ASH1L: variants seen among roughly 807,000 people sequenced by gnomAD.
ASH1L encodes the protein ASH1 like histone lysine methyltransferase, also known as histone-lysine N-methyltransferase ASH1L.
In ASH1L, 23 loss-of-function variants were observed where a neutral mutation model predicts 269.0. That is an observed-to-expected ratio of 0.09 (90% CI 0.06 to 0.12). The LOEUF is 0.12. Ranked by LOEUF, ASH1L falls within the 10% of genes least tolerant of loss-of-function variation. ASH1L has a pLI of 1.00. For missense variants in ASH1L, 2,912 were observed against 3,567.8 expected (o/e 0.82, Z 4.68); for synonymous variants, 1,187 against 1,253.5 (o/e 0.95, Z 1.12).
At chr1:155,558,235 G>A (rs111827441) in intron 1 of ASH1L, among the ~76,000 whole-genome samples, 1 of 152,150 alleles carries the variant, frequency 6.6e-6, no homozygotes, top group Admixed American at 6.6e-5. Flanking sequence ...TTGGGAGGCC[G>A]AGGCGGGTGG....
chr1:155,515,519 T>C (rs372486418), intron 2 of ASH1L, among the ~76,000 whole-genome samples: 5 of 152,200 alleles, frequency 3.3e-5, no homozygotes, highest in Non-Finnish European at 2.9e-5. Flanking sequence ...TGAGCCTAGT[T>C]ATGATGATTT....
intron 1 of ASH1L, among the ~76,000 whole-genome samples, chr1:155,559,807 G>A (rs1181706335): frequency 6.6e-6 from 1 of 152,070 alleles, no homozygotes; most frequent in Non-Finnish European, 1.5e-5. Context: ...CTCCTGCATA[G>A]GATTAACTCA....
At chr1:155,515,930 C>A (rs2148828072) in intron 2 of ASH1L, among the ~76,000 whole-genome samples, 1 of 151,808 alleles carries the variant, frequency 6.6e-6, no homozygotes, top group Non-Finnish European at 1.5e-5. Flanking sequence ...CGGAGATTAG[C>A]CTACATACTA....
chr1:155,433,120 AG>A, intron 5 of ASH1L: 1 of 1,392,040 alleles, frequency 7.2e-7, no homozygotes, highest in Non-Finnish European at 9.6e-7. Flanking sequence ...ACTGATAGAA[AG>A]GAATATAAAA....
intron 4 of ASH1L, among the ~76,000 whole-genome samples, chr1:155,442,616 A>C (rs1018001430): frequency 1.3e-5 from 2 of 151,700 alleles, no homozygotes; most frequent in African/African-American, 2.4e-5. Context: ...AAAAAAAAAA[A>C]ACCTCACAAA....
At chr1:155,554,549 G>A (rs1244988000) in intron 1 of ASH1L, among the ~76,000 whole-genome samples, 1 of 152,152 alleles carries the variant, frequency 6.6e-6, no homozygotes, top group Non-Finnish European at 1.5e-5. Context: ...TGGGATTACA[G>A]GCGTGAGCCA....
intron 3 of ASH1L, among the ~76,000 whole-genome samples, chr1:155,468,472 T>A (rs1664857992): frequency 1.3e-5 from 2 of 152,166 alleles, no homozygotes; most frequent in African/African-American, 4.8e-5. Context: ...ATATATTATT[T>A]GGAATTTTTC....
At chr1:155,547,289 A>G (rs1670897610) in intron 1 of ASH1L, among the ~76,000 whole-genome samples, 2 of 152,168 alleles carry the variant, frequency 1.3e-5, no homozygotes, top group Admixed American at 1.3e-4. Flanking sequence ...AAAAAAAAAA[A>G]AAGTTAAAAT....
rs951897832 is a variant in ASH1L, at chr1:155,549,532, C to T, written c.-100+12621G>A. ...CCCTGCTACTTGGGAGGCTGAGGCACGAGAATCACTTGAACCCAGGAAGCG... is the reference window on the plus strand; with the variant it reads ...CCCTGCTACTTGGGAGGCTGAGGCATGAGAATCACTTGAACCCAGGAAGCG... On this transcript the variant is annotated intron_variant, in intron 1 of 27. Coordinates refer to ENST00000392403, the MANE Select transcript of ASH1L (RefSeq NM_018489.3). 6.0e-5 allele frequency among the ~76,000 whole-genome samples: 9 copies of T among 148,842 alleles called. 1 individual carries two copies. In the South Asian group the frequency reaches 1.7e-3, roughly 28 times the overall value.
At chr1:155,531,379 AAC>A (rs1669665257) in intron 1 of ASH1L, among the ~76,000 whole-genome samples, 1 of 151,734 alleles carries the variant, frequency 6.6e-6, no homozygotes, top group African/African-American at 2.4e-5. Flanking sequence ...TTTTTTTTGA[AAC>A]AGAGTCTCCC....
chr1:155,481,192 G>A lies in ASH1L; in HGVS notation c.1678C>T (p.Pro560Ser), dbSNP rs1665934934. Residue 560 changes from proline (P) to serine (S), a missense_variant, in exon 3 of 28, where the codon CCT (proline) becomes TCT (serine). Pro to Ser is a moderately conservative substitution (Grantham distance 74, BLOSUM62 -1). Around this residue, in one of 13 missense-constraint regions of ASH1L, gnomAD observed 715 missense variants for 721.0 expected, o/e 0.99. Transcript: ENST00000392403. ...GTTAAAGGATTAACAGATACAGTAG[G>A]TGATGGGGAAGGGAGATTGCTTTCT... The part of the protein sequence containing the change: ...VGESNLPSPS[P>S]TVSVNPLTRS... The A allele has an allele frequency of 6.2e-7, 1 of 1,613,770 alleles. No individual in the cohort carries two copies. Among genetic ancestry groups the A allele is most frequent in the Non-Finnish European group, 8.5e-7 (1 of 1,179,828 alleles).
intron 5 of ASH1L, among the ~76,000 whole-genome samples, chr1:155,424,453 G>A (rs963344665): frequency 4.6e-5 from 7 of 151,522 alleles, no homozygotes; most frequent in Admixed American, 2.6e-4. Context: ...TGTTGTCCAC[G>A]CTGGAGTGAG....
chr1:155,518,246 C>T (rs1371325732), intron 2 of ASH1L, among the ~76,000 whole-genome samples: 2 of 152,056 alleles, frequency 1.3e-5, no homozygotes, highest in African/African-American at 2.4e-5. Context: ...AAATACAAAA[C>T]GGATCACAGA....
At chr1:155,504,185 T>G (rs1558173718) in intron 2 of ASH1L, among the ~76,000 whole-genome samples, 1 of 152,210 alleles carries the variant, frequency 6.6e-6, no homozygotes, top group Non-Finnish European at 1.5e-5. Flanking sequence ...TATTTTCCCT[T>G]TCTTCTTGGA....
intron 4 of ASH1L, among the ~76,000 whole-genome samples, chr1:155,440,351 C>T (rs546102433): frequency 1.3e-3 from 196 of 152,222 alleles, no homozygotes; most frequent in Non-Finnish European, 2.2e-3. Flanking sequence ...ATTTCAAACT[C>T]TCAGCTATAT....
chr1:155,482,353 G>A lies in ASH1L; in HGVS notation c.517C>T (p.Pro173Ser). ...ACTGGAGACAGCTTCTTAGACAAAG[G>A]ATTGTTTTCTCCCTGTGAATGAAGA... Reference protein sequence around the residue: ...IRLHSQGENNPLSKKLSPVHS... With the variant: ...IRLHSQGENNSLSKKLSPVHS... Residue 173 changes from proline to serine, a missense_variant, in exon 3 of 28, where the codon CCT becomes TCT. Pro to Ser is a moderately conservative substitution (Grantham distance 74). This residue lies in a region of ASH1L where 277 missense variants were observed against 367.7 expected (regional missense o/e 0.75). Coordinates refer to ENST00000392403, the MANE Select transcript of ASH1L (RefSeq NM_018489.3). The A allele has an allele frequency of 1.2e-6, 2 of 1,614,106 alleles. No homozygotes were observed. The highest frequency in any genetic ancestry group is 1.7e-6 in the Non-Finnish European group (2 of 1,179,988).
intron 13 of ASH1L, chr1:155,358,665 G>C (rs1654648003): frequency 6.7e-6 from 1 of 150,354 alleles, no homozygotes; most frequent in South Asian, 2.1e-4. Flanking sequence ...TCTAGCCTGG[G>C]AGACAGAGTG....
chr1:155,545,611 G>A (rs1370758430), intron 1 of ASH1L, among the ~76,000 whole-genome samples: 1 of 146,376 alleles, frequency 6.8e-6, no homozygotes, highest in Non-Finnish European at 1.5e-5. Flanking sequence ...ATTTAAAGGA[G>A]AAAGGTTTGG....
chr1:155,458,227 T>C (rs1238413300), intron 4 of ASH1L, among the ~76,000 whole-genome samples: 2 of 152,214 alleles, frequency 1.3e-5, no homozygotes, highest in East Asian at 3.8e-4. Flanking sequence ...AACAAAGAGC[T>C]TCTAAAGATA....
Sources: gnomAD v4.1 joint callset for allele counts (sites outside exome capture counted in the v4.1 genomes callset) on GRCh38, gnomAD v4.1.1 for gene constraint, gnomAD v4.1.1 regional missense constraint, MANE v1.5 for transcripts, NCBI Gene and HGNC (gene_info 2026-07-23, HGNC 2026-07-21) for gene names.